Variants in ARHGAP6 observed in about 807,000 individuals in gnomAD.
The protein encoded by ARHGAP6 is Rho GTPase activating protein 6.
A neutral mutation model predicts 55.7 loss-of-function variants in ARHGAP6; 16 were observed. The ratio of observed to expected loss-of-function variants is 0.29; its 90% CI spans 0.19 to 0.44. The LOEUF is 0.44. Among genes scored for constraint, ARHGAP6 ranks in the 20% least tolerant of loss-of-function variants. The pLI is 1.00. For synonymous variants in ARHGAP6, 382 were observed against 360.9 expected, an observed-to-expected ratio of 1.06 and a Z score of -0.66; for missense variants, 698 against 808.9, an observed-to-expected ratio of 0.86 and a Z score of 1.66.
At chrX:11,172,916 C>A (rs1281532546) in intron 8 of ARHGAP6, among the ~76,000 whole-genome samples, 1 of 111,856 alleles carries the variant, frequency 8.9e-6, no homozygotes, top group Non-Finnish European at 1.9e-5. Context: ...CATCCTAGAT[C>A]ATTTCTAAGC....
intron 1 of ARHGAP6, among the ~76,000 whole-genome samples, chrX:11,600,330 G>A (rs1264622218): frequency 8.9e-6 from 1 of 112,356 alleles, no homozygotes; most frequent in Non-Finnish European, 1.9e-5. Context: ...CGTTGAACAT[G>A]GGGGAAGAAA....
chrX:11,220,101 A>C (rs1201019711), intron 2 of ARHGAP6, among the ~76,000 whole-genome samples: 5 of 106,534 alleles, frequency 4.7e-5, no homozygotes, highest in Non-Finnish European at 9.7e-5. Flanking sequence ...TCAGCTTTCT[A>C]CATATGGCTA....
intron 1 of ARHGAP6, among the ~76,000 whole-genome samples, chrX:11,645,764 A>G (rs1170975277): frequency 8.9e-6 from 1 of 111,736 alleles, no homozygotes. Context: ...GTAGGAACAA[A>G]GAAGACCTAC....
intron 1 of ARHGAP6, among the ~76,000 whole-genome samples, chrX:11,567,553 C>CAAAAAAAA (rs200460504): frequency 2.8e-5 from 2 of 71,802 alleles, no homozygotes; most frequent in Non-Finnish European, 5.4e-5. Context: ...GACTCCATCT[C>CAAAAAAAA]AAAAAAAAAA....
chrX:11,169,251 C>T (rs1358584676), intron 9 of ARHGAP6: 5 of 269,167 alleles, frequency 1.9e-5, no homozygotes, highest in Non-Finnish European at 3.3e-5. Flanking sequence ...TAAGTGACTC[C>T]AAAATGTGAC....
chrX:11,467,631 A>G (rs890051554), intron 1 of ARHGAP6, among the ~76,000 whole-genome samples: 4 of 111,953 alleles, frequency 3.6e-5, no homozygotes, highest in African/African-American at 1.3e-4. Flanking sequence ...ACGATAAGCA[A>G]AGAATCAGAC....
chrX:11,139,173 C>G lies in ARHGAP6; in HGVS notation c.2615G>C (p.Gly872Ala), dbSNP rs2045585616. ...GGGCCGCTTGTCATCCCTCCCACTC[C>G]CATGGGGTCTTTGGCACTGAGGTGT... ...RATPQCQRPH[G>A]SGRDDKRPPP... Residue 872 changes from glycine (G) to alanine (A), a missense_variant, in exon 13 of 13, where the codon GGG (glycine) becomes GCG (alanine). Physicochemically the swap from Gly to Ala is moderately conservative, Grantham distance 60. Around this residue, in one of 3 missense-constraint regions of ARHGAP6, gnomAD observed 212 missense variants for 208.7 expected, o/e 1.02. Transcript: ENST00000337414. 8.3e-7 allele frequency: 1 copy of G among 1,205,675 alleles called. No homozygotes were observed. The highest frequency in any genetic ancestry group is 1.8e-5 in the South Asian group (1 of 56,466).
chrX:11,178,326 A>G (rs990199961), intron 7 of ARHGAP6, 78 bp from the exon 8 acceptor site: 1 of 1,041,085 alleles, frequency 9.6e-7, no homozygotes. Flanking sequence ...CCTCCTCTCA[A>G]TTGTCTTAAG....
At chrX:11,514,161 CAAAAAAAAAA>C (rs1156613318) in intron 1 of ARHGAP6, among the ~76,000 whole-genome samples, 22 of 35,783 alleles carry the variant, frequency 6.1e-4, no homozygotes, top group East Asian at 2.1e-3. Flanking sequence ...AACCCTGTCT[CAAAAAAAAAA>C]AAAAAAAAAA....
chrX:11,582,130 T>C (rs143140070), intron 1 of ARHGAP6, among the ~76,000 whole-genome samples: 2 of 111,226 alleles, frequency 1.8e-5, no homozygotes, highest in Admixed American at 9.6e-5. Context: ...TTATTATTAT[T>C]ATCACATTTT....
At chrX:11,535,919 T>C (rs2051100432) in intron 1 of ARHGAP6, among the ~76,000 whole-genome samples, 1 of 112,719 alleles carries the variant, frequency 8.9e-6, no homozygotes, top group Admixed American at 9.4e-5. Flanking sequence ...TTCATATTTT[T>C]GTTAATGTTT....
At chrX:11,645,875 G>A (rs967226416) in intron 1 of ARHGAP6, among the ~76,000 whole-genome samples, 2 of 112,048 alleles carry the variant, frequency 1.8e-5, no homozygotes, top group Non-Finnish European at 1.9e-5. Flanking sequence ...GAAATTAAAT[G>A]ATGTTGTTAA....
At chrX:11,405,275 A>G (rs2049597374) in intron 1 of ARHGAP6, among the ~76,000 whole-genome samples, 1 of 111,665 alleles carries the variant, frequency 9.0e-6, no homozygotes, top group East Asian at 2.8e-4. Context: ...TGCCACTGTG[A>G]TCTCTACCAC....
At chrX:11,432,482 G>C (rs1031266261) in intron 1 of ARHGAP6, among the ~76,000 whole-genome samples, 1 of 111,926 alleles carries the variant, frequency 8.9e-6, no homozygotes, top group Non-Finnish European at 1.9e-5. Flanking sequence ...ATAATTGCTG[G>C]GTCATAGGCA....
intron 1 of ARHGAP6, among the ~76,000 whole-genome samples, chrX:11,314,744 A>G (rs1223222797): frequency 1.8e-5 from 2 of 111,851 alleles, no homozygotes; most frequent in Admixed American, 9.5e-5. Flanking sequence ...ATGAGAACAC[A>G]TGGACACATG....
chrX:11,203,372 TAACA>T (rs1214585329), intron 2 of ARHGAP6, among the ~76,000 whole-genome samples: 5 of 111,953 alleles, frequency 4.5e-5, no homozygotes, highest in Non-Finnish European at 9.4e-5. Flanking sequence ...GCCATTTTTC[TAACA>T]AACTCAAACT....
chrX:11,147,660 CA>C (rs1174926915), intron 10 of ARHGAP6, among the ~76,000 whole-genome samples: 1 of 112,727 alleles, frequency 8.9e-6, no homozygotes, highest in Non-Finnish European at 1.9e-5. Flanking sequence ...AGCAGCTTGT[CA>C]AATTTATAAA....
At chrX:11,427,927 C>T (rs1048352557) in intron 1 of ARHGAP6, 46 of 400,964 alleles carry the variant, frequency 1.1e-4, no homozygotes, top group Non-Finnish European at 1.4e-4. Context: ...CGGGTCCCTC[C>T]GGCGGCCGCC....
chrX:11,526,489 T>G (rs1215227809), intron 1 of ARHGAP6, among the ~76,000 whole-genome samples: 2 of 111,579 alleles, frequency 1.8e-5, no homozygotes, highest in East Asian at 2.8e-4. Flanking sequence ...TCACTGACCC[T>G]CCCCTCCCCT....
Sources: allele counts gnomAD v4.1 joint callset (sites outside exome capture counted in the v4.1 genomes callset), GRCh38; gene constraint gnomAD v4.1.1; regional missense constraint gnomAD v4.1.1; transcripts MANE v1.5; gene names NCBI Gene and HGNC (gene_info 2026-07-23, HGNC 2026-07-21).